Variants in ADAM18 observed in about 807,000 individuals in gnomAD.
The protein encoded by ADAM18 is disintegrin and metalloproteinase domain-containing protein 18.
In ADAM18, 117 loss-of-function variants were observed where a neutral mutation model predicts 94.4. The ratio of observed to expected loss-of-function variants is 1.24; its 90% confidence interval spans 1.07 to 1.45. The LOEUF (loss-of-function observed/expected upper bound fraction) is 1.45. Among genes scored for constraint, ADAM18 ranks in the 40% most tolerant of loss-of-function variants. The pLI, the probability that ADAM18 is intolerant of heterozygous loss-of-function variation, is 0.00. For missense variants in ADAM18, 936 were observed against 880.0 expected, an observed-to-expected ratio of 1.06 and a Z score of -0.81; for synonymous variants, 327 against 291.6, an observed-to-expected ratio of 1.12 and a Z score of -1.24.
chr8:39,607,824 T>C (rs1478163706), intron 3 of ADAM18, among the ~76,000 whole-genome samples: 9 of 146,466 alleles, frequency 6.1e-5, no homozygotes, highest in African/African-American at 7.6e-5. Context: ...TTTTTTTTTT[T>C]CCCCCTAGCT....
intron 2 of ADAM18, among the ~76,000 whole-genome samples, chr8:39,587,069 GTT>G (rs1165223059): frequency 2.0e-5 from 3 of 152,042 alleles, no homozygotes; most frequent in Non-Finnish European, 2.9e-5. Context: ...ACTTTATTGA[GTT>G]ATAATTGATA....
intron 18 of ADAM18, among the ~76,000 whole-genome samples, chr8:39,707,746 T>C (rs1001653732): frequency 3.9e-5 from 6 of 152,164 alleles, no homozygotes; most frequent in African/African-American, 1.2e-4. Flanking sequence ...TTTATAATTA[T>C]ACACATACAT....
chr8:39,642,003 AATGATCAGTG>A (rs1820251968), intron 10 of ADAM18, among the ~76,000 whole-genome samples: 1 of 152,056 alleles, frequency 6.6e-6, no homozygotes, highest in African/African-American at 2.4e-5. Flanking sequence ...GCATTTCTCT[AATGATCAGTG>A]ATGTTGAGCT....
intron 15 of ADAM18, among the ~76,000 whole-genome samples, chr8:39,679,785 T>C (rs1821392757): frequency 6.6e-6 from 1 of 152,170 alleles, no homozygotes; most frequent in South Asian, 2.1e-4. Context: ...CAACTAGAAC[T>C]TAGAGAACAA....
chr8:39,696,051 GC>G (rs1821917174), intron 17 of ADAM18, among the ~76,000 whole-genome samples: 1 of 151,106 alleles, frequency 6.6e-6, no homozygotes, highest in Admixed American at 6.6e-5. Flanking sequence ...TCTACATCCT[GC>G]CCAATATTTA....
chr8:39,590,905 T>G (rs1360101238), intron 2 of ADAM18, among the ~76,000 whole-genome samples: 1 of 152,204 alleles, frequency 6.6e-6, no homozygotes, highest in African/African-American at 2.4e-5. Context: ...TGTTCAAAAC[T>G]GAAAGTTCCA....
At chr8:39,588,297 C>T (rs1818467668) in intron 2 of ADAM18, among the ~76,000 whole-genome samples, 1 of 151,318 alleles carries the variant, frequency 6.6e-6, no homozygotes, top group African/African-American at 2.4e-5. Flanking sequence ...TGGTTTTGAT[C>T]CTGCATTTTT....
intron 6 of ADAM18, among the ~76,000 whole-genome samples, chr8:39,619,218 T>C (rs757452486): frequency 1.3e-4 from 20 of 152,140 alleles, no homozygotes; most frequent in Non-Finnish European, 2.6e-4. Context: ...TATACAATAA[T>C]AGGGGATTTC....
At chr8:39,588,357 G>T (rs1457005778) in intron 2 of ADAM18, among the ~76,000 whole-genome samples, 3 of 151,664 alleles carry the variant, frequency 2.0e-5, no homozygotes, top group Non-Finnish European at 2.9e-5. Context: ...ATGGTCATTT[G>T]TATGTTTTCT....
At chr8:39,698,709 T>C (rs1029283263) in intron 17 of ADAM18, among the ~76,000 whole-genome samples, 1 of 152,100 alleles carries the variant, frequency 6.6e-6, no homozygotes, top group African/African-American at 2.4e-5. Context: ...AGAGGCTTTA[T>C]AGTTTTCTCT....
chr8:39,637,697 T>G lies in ADAM18; in HGVS notation c.821T>G (p.Leu274Ter). 6.3e-7 allele frequency: 1 copy of G among 1,599,552 alleles called. No individual in the cohort carries two copies. Among genetic ancestry groups the G allele is most frequent in the Non-Finnish European group, 8.5e-7 (1 of 1,173,894 alleles). ...LILRPHDIAYLLVYRKHPKYV... is the reference protein window; with the variant it reads ...LILRPHDIAY ...CTACGGCCCCATGACATAGCATACT[T>G]ACTTGTGTAAGCACAATGTTCTACA... The change falls in exon 9 of 20, where the codon TTA becomes TGA. Residue 274 changes from leucine (L) to a stop codon, truncating the protein, a stop_gained. Transcript: ENST00000265707. LOFTEE classifies it high-confidence loss of function.
At chr8:39,613,952 A>G (rs1198795601) in intron 6 of ADAM18, among the ~76,000 whole-genome samples, 1 of 152,238 alleles carries the variant, frequency 6.6e-6, no homozygotes, top group Non-Finnish European at 1.5e-5. Context: ...AGAATGAATA[A>G]AACCTCTGAG....
chr8:39,716,017 A>G (rs1410945244), intron 18 of ADAM18, among the ~76,000 whole-genome samples: 1 of 151,982 alleles, frequency 6.6e-6, no homozygotes, highest in Non-Finnish European at 1.5e-5. Flanking sequence ...AATGTCTCTC[A>G]TCAATTTCTC....
intron 7 of ADAM18, among the ~76,000 whole-genome samples, chr8:39,629,893 T>C (rs1376344201): frequency 1.3e-5 from 2 of 151,962 alleles, no homozygotes; most frequent in African/African-American, 4.8e-5. Context: ...ACACTATCGC[T>C]TCCTCCACTC....
At position 39,645,488 on chromosome 8, in the gene ADAM18, T is replaced by A; in HGVS notation, c.1046+14T>A. 6.3e-7 allele frequency: 1 copy of A among 1,590,666 alleles called. No homozygotes were observed. Among genetic ancestry groups the A allele is most frequent in the Non-Finnish European group, 8.5e-7 (1 of 1,172,816 alleles). ...TCATGAAGCAGTGTAAGATGTTTTC[T>A]TAATTAATTTCATTTATATTTTTAT... On this transcript the variant is annotated intron_variant, in intron 11 of 19. Transcript: ENST00000265707.
intron 12 of ADAM18, among the ~76,000 whole-genome samples, chr8:39,661,710 A>G (rs1233223073): frequency 6.6e-6 from 1 of 151,864 alleles, no homozygotes; most frequent in African/African-American, 2.4e-5. Context: ...GTATCCCTCT[A>G]TATGCTGTGA....
At chr8:39,620,357 C>CAAAAAAAAGAAAAAACAAAA (rs1819574204) in intron 6 of ADAM18, among the ~76,000 whole-genome samples, 1 of 90,568 alleles carries the variant, frequency 1.1e-5, no homozygotes, top group Non-Finnish European at 2.1e-5. Flanking sequence ...GCAACAAAAG[C>CAAAAAAAAGAAAAAACAAAA]AAAAAAAAAA....
At chr8:39,634,689 A>T (rs1820029892) in intron 7 of ADAM18, among the ~76,000 whole-genome samples, 2 of 152,244 alleles carry the variant, frequency 1.3e-5, no homozygotes, top group Non-Finnish European at 1.5e-5. Flanking sequence ...TGTCTGTCCC[A>T]CCATTGTATC....
In ADAM18 at chr8:39,706,833, G is replaced by A. The variant is rs758696627; in HGVS notation, c.1946G>A (p.Arg649Lys). 5 of 1,610,606 alleles carry A rather than the reference G, an allele frequency of 3.1e-6. No individual in the cohort carries two copies. The highest frequency in any genetic ancestry group is 2.2e-5 in the East Asian group (1 of 44,824). ...AATTGTCAATGCTTCCCTGGACATAGACCTCCAGATTGTAAATTCCAGTTT... is the reference window on the plus strand; with the variant it reads ...AATTGTCAATGCTTCCCTGGACATAAACCTCCAGATTGTAAATTCCAGTTT... ...FGNCQCFPGHRPPDCKFQFGS... is the reference protein window; with the variant it reads ...FGNCQCFPGHKPPDCKFQFGS... The change falls in exon 18 of 20, where the codon AGA (arginine) becomes AAA (lysine). Residue 649 changes from arginine to lysine, a missense_variant. Arg to Lys is a conservative substitution (Grantham distance 26). Coordinates refer to ENST00000265707, the MANE Select transcript of ADAM18 (RefSeq NM_014237.3).
Sources: gnomAD v4.1 joint callset for allele counts (sites outside exome capture counted in the v4.1 genomes callset) on GRCh38, gnomAD v4.1.1 for gene constraint, MANE v1.5 for transcripts, NCBI Gene and HGNC (gene_info 2026-07-23, HGNC 2026-07-21) for gene names.